The following KCNIP4 variants were observed in gnomAD, a reference collection of about 807,000 sequenced individuals.
KCNIP4 encodes potassium voltage-gated channel interacting protein 4.
In KCNIP4, 12 loss-of-function variants were observed where a neutral mutation model predicts 34.0. The observed-to-expected ratio is 0.35, with a 90% CI of 0.23 to 0.57. The LOEUF (loss-of-function observed/expected upper bound fraction) is 0.57. KCNIP4 is among the 20% of genes least tolerant of loss of function. The probability of loss-of-function intolerance (pLI) is 0.83; values close to 1 mark genes in which losing one functional copy is unlikely to be tolerated. For synonymous variants in KCNIP4, 124 were observed against 102.2 expected (o/e 1.21, Z -1.29); for missense variants, 238 against 311.7 (o/e 0.76, Z 1.78).
At chr4:20,809,419 C>T (rs1044031345) in intron 3 of KCNIP4, among the ~76,000 whole-genome samples, 1 of 152,040 alleles carries the variant, frequency 6.6e-6, no homozygotes, top group African/African-American at 2.4e-5. Context: ...CTTCAGACTC[C>T]GAGAGGTCAT....
chr4:21,897,015 T>A (rs1301855083), intron 1 of KCNIP4, among the ~76,000 whole-genome samples: 1 of 152,088 alleles, frequency 6.6e-6, no homozygotes, highest in East Asian at 1.9e-4. Flanking sequence ...GTTTATACCC[T>A]GGCTATAGTG....
chr4:21,521,609 ATTATTCCT>A (rs1355311307), intron 1 of KCNIP4, among the ~76,000 whole-genome samples: 5 of 152,126 alleles, frequency 3.3e-5, no homozygotes, highest in African/African-American at 1.2e-4. Context: ...TTGTCATCTA[ATTATTCCT>A]TTCTTGCATT....
intron 1 of KCNIP4, among the ~76,000 whole-genome samples, chr4:21,671,271 C>T (rs1240975808): frequency 6.6e-6 from 1 of 152,140 alleles, no homozygotes; most frequent in Admixed American, 6.5e-5. Flanking sequence ...GGCAAACAAA[C>T]ATTCTTCAAA....
chr4:20,848,487 C>CAA (rs34837147), intron 3 of KCNIP4, among the ~76,000 whole-genome samples: 15,733 of 148,370 alleles, frequency 0.11, 1,089 homozygotes, highest in Non-Finnish European at 0.15. Flanking sequence ...ATATGGGCAA[C>CAA]AAAAAAAAAC....
chr4:21,697,412 T>C, intron 1 of KCNIP4: 1 of 1,566,106 alleles, frequency 6.4e-7, no homozygotes, highest in Non-Finnish European at 8.6e-7. Flanking sequence ...TATTTCACGT[T>C]TACACCGCTT....
intron 1 of KCNIP4, among the ~76,000 whole-genome samples, chr4:21,517,880 A>C (rs1201709564): frequency 6.6e-6 from 1 of 152,132 alleles, no homozygotes; most frequent in Admixed American, 6.6e-5. Context: ...GAAGACCTAA[A>C]CTAGGAAACT....
At chr4:20,960,384 G>T (rs1045662296) in intron 1 of KCNIP4, among the ~76,000 whole-genome samples, 1 of 152,170 alleles carries the variant, frequency 6.6e-6, no homozygotes, top group Non-Finnish European at 1.5e-5. Flanking sequence ...GACAAAATTA[G>T]GCACAGCCAG....
chr4:21,882,401 A>C (rs774627404), intron 1 of KCNIP4, among the ~76,000 whole-genome samples: 4 of 152,180 alleles, frequency 2.6e-5, no homozygotes, highest in Non-Finnish European at 4.4e-5. Flanking sequence ...CAGCGAAAAA[A>C]GCATTTTACA....
intron 1 of KCNIP4, among the ~76,000 whole-genome samples, chr4:21,482,760 C>A (rs1731545866): frequency 6.6e-6 from 1 of 152,024 alleles, no homozygotes; most frequent in Admixed American, 6.6e-5. Context: ...TCCTTCATTT[C>A]AACTTTGGTG....
At chr4:21,768,700 T>G (rs1718582475) in intron 1 of KCNIP4, among the ~76,000 whole-genome samples, 1 of 152,144 alleles carries the variant, frequency 6.6e-6, no homozygotes, top group African/African-American at 2.4e-5. Flanking sequence ...AATTATTAAT[T>G]ATTTCTCATG....
intron 1 of KCNIP4, among the ~76,000 whole-genome samples, chr4:21,012,824 C>A (rs1372752929): frequency 1.3e-5 from 2 of 152,158 alleles, no homozygotes; most frequent in East Asian, 1.9e-4. Flanking sequence ...TTCTCACAGT[C>A]TTATTGGTGA....
intron 1 of KCNIP4, among the ~76,000 whole-genome samples, chr4:21,111,794 C>A (rs375807408): frequency 6.6e-6 from 1 of 152,032 alleles, no homozygotes; most frequent in Admixed American, 6.6e-5. Flanking sequence ...GGAGACAGTG[C>A]GGAGAAATGA....
chr4:21,779,042 T>C (rs924208799), intron 1 of KCNIP4, among the ~76,000 whole-genome samples: 2 of 152,112 alleles, frequency 1.3e-5, no homozygotes, highest in African/African-American at 4.8e-5. Flanking sequence ...GAGAAGATTA[T>C]ATTCTTATAT....
intron 1 of KCNIP4, among the ~76,000 whole-genome samples, chr4:21,918,430 C>T (rs2108992127): frequency 6.6e-6 from 1 of 152,150 alleles, no homozygotes; most frequent in African/African-American, 2.4e-5. Flanking sequence ...AAAAGAGTTC[C>T]ACAGGCAAAG....
intron 1 of KCNIP4, among the ~76,000 whole-genome samples, chr4:20,922,543 G>A (rs62296167): frequency 0.075 from 6,108 of 81,342 alleles, 136 homozygotes; most frequent in Middle Eastern, 0.18. Context: ...CTGTCTGTCT[G>A]TCTGTCTATC....
At chr4:21,740,566 T>A (rs1716328453) in intron 1 of KCNIP4, among the ~76,000 whole-genome samples, 1 of 152,102 alleles carries the variant, frequency 6.6e-6, no homozygotes, top group Admixed American at 6.6e-5. Flanking sequence ...GTAAATCCAT[T>A]GAAAAAAATG....
chr4:21,758,693 C>A (rs1439804100), intron 1 of KCNIP4, among the ~76,000 whole-genome samples: 1 of 152,096 alleles, frequency 6.6e-6, no homozygotes, highest in Non-Finnish European at 1.5e-5. Context: ...TATCTAGGCA[C>A]CCTAAGCCTT....
At chr4:21,472,675 A>G (rs1223444032) in intron 1 of KCNIP4, among the ~76,000 whole-genome samples, 1 of 152,144 alleles carries the variant, frequency 6.6e-6, no homozygotes, top group South Asian at 2.1e-4. Context: ...ACTGATTACA[A>G]TAAGTTGACT....
intron 3 of KCNIP4, among the ~76,000 whole-genome samples, chr4:20,780,235 G>A (rs1205444643): frequency 7.2e-5 from 11 of 152,298 alleles, no homozygotes; most frequent in Non-Finnish European, 7.4e-5. Flanking sequence ...GTGGTCAAAA[G>A]GGTGAGACCA....
Sources: allele counts gnomAD v4.1 joint callset (sites outside exome capture counted in the v4.1 genomes callset), GRCh38; gene constraint gnomAD v4.1.1; transcripts MANE v1.5; gene names NCBI Gene and HGNC (gene_info 2026-07-23, HGNC 2026-07-21).